The following CELF2 variants were observed in gnomAD, a reference collection of about 807,000 sequenced individuals.
The protein encoded by CELF2 is CUG triplet repeat RNA-binding protein 2.
CELF2 carries 8 observed loss-of-function variants against 62.6 expected under a neutral mutation model. The ratio of observed to expected loss-of-function variants is 0.13; its 90% CI spans 0.07 to 0.23. The LOEUF (loss-of-function observed/expected upper bound fraction) is 0.23, where lower values mean the gene tolerates loss of function less well. Among genes scored for constraint, CELF2 ranks in the 10% least tolerant of loss-of-function variants. The pLI, the probability that CELF2 is intolerant of heterozygous loss-of-function variation, is 1.00. For missense variants in CELF2, 333 were observed against 671.0 expected (o/e 0.50, Z 5.56); for synonymous variants, 258 against 250.0 (o/e 1.03, Z -0.30).
the CELF2 span, among the ~76,000 whole-genome samples, chr10:10,581,365 G>T: frequency 5.3e-5 from 8 of 152,148 alleles, 1 homozygote; most frequent in South Asian, 6.2e-4. Context: ...GATCCATTTT[G>T]CTTTCAAGAG....
upstream of CELF2, among the ~76,000 whole-genome samples, chr10:11,013,433 C>T (rs2056783750): frequency 6.6e-6 from 1 of 152,120 alleles, no homozygotes; most frequent in Non-Finnish European, 1.5e-5. This position sits in a 1 kb window ranked among gnomAD's most constrained non-coding sequence, Gnocchi z 4.1. Context: ...AGCTGCAGAC[C>T]ACGCTAGTGG....
chr10:10,736,396 C>CTTTCTTT, the CELF2 span, among the ~76,000 whole-genome samples: 9 of 76,014 alleles, frequency 1.2e-4, no homozygotes, highest in African/African-American at 4.0e-4. Flanking sequence ...TTCTTTCTTT[C>CTTTCTTT]TTTTTTTTTT....
the CELF2 span, among the ~76,000 whole-genome samples, chr10:10,718,884 A>G: frequency 1.4e-4 from 22 of 152,194 alleles, no homozygotes; most frequent in Non-Finnish European, 1.2e-4. Flanking sequence ...TTAAGCAGCA[A>G]AGATAAATAA....
At chr10:10,906,327 G>C (rs572009288) in intron 1 of CELF2, among the ~76,000 whole-genome samples, 1 of 152,258 alleles carries the variant, frequency 6.6e-6, no homozygotes, top group South Asian at 2.1e-4. Flanking sequence ...CTGAAAAAAA[G>C]CCATCTTTGC....
Position 11,159,054 on chromosome 10 carries a change from G to A in CELF2, c.75-6432G>A, listed in dbSNP as rs2065122824. ...TAGAGAAGGGCTTTGACTTTGTAAT[G>A]TTTAGGGTATTTGCTCTGGTCAATT... is the stretch of plus-strand genomic sequence containing the variant. On this transcript the variant is annotated intron_variant, in intron 1 of 12. Transcript: ENST00000633077. This position sits in a 1 kb window ranked among gnomAD's most constrained non-coding sequence, Gnocchi z 5.0. 6.6e-6 allele frequency among the ~76,000 whole-genome samples: 1 copy of A among 152,198 alleles called. No individual in the cohort carries two copies. Among genetic ancestry groups the A allele is most frequent in the Non-Finnish European group, 1.5e-5 (1 of 68,036 alleles).
chr10:11,072,212 T>C (rs1339966687), intron 1 of CELF2, among the ~76,000 whole-genome samples: 2 of 152,194 alleles, frequency 1.3e-5, no homozygotes, highest in Non-Finnish European at 2.9e-5. Context: ...TGGAAGACAC[T>C]AATTTGAGAG....
chr10:10,683,269 GT>G, the CELF2 span, among the ~76,000 whole-genome samples: 9 of 152,202 alleles, frequency 5.9e-5, no homozygotes, highest in African/African-American at 2.2e-4. Context: ...CTCCACTTAG[GT>G]TTTTAAATGT....
chr10:10,988,855 A>C (rs1276025456), intron 2 of CELF2, among the ~76,000 whole-genome samples: 2 of 152,174 alleles, frequency 1.3e-5, no homozygotes, highest in Non-Finnish European at 2.9e-5. Context: ...TGATCATAGC[A>C]ATAAATCATG....
At chr10:10,959,848 G>A (rs1429923963) in intron 2 of CELF2, among the ~76,000 whole-genome samples, 1 of 152,208 alleles carries the variant, frequency 6.6e-6, no homozygotes, top group Non-Finnish European at 1.5e-5. Context: ...GGATGAGAAA[G>A]CATGGGGTAG....
At chr10:10,725,472 G>A in the CELF2 span, among the ~76,000 whole-genome samples, 3 of 152,122 alleles carry the variant, frequency 2.0e-5, no homozygotes, top group South Asian at 2.1e-4. Flanking sequence ...GTATACTCAC[G>A]GCTGGTGGTC....
At chr10:10,920,858 G>A (rs2134692425) in intron 2 of CELF2, among the ~76,000 whole-genome samples, 1 of 151,870 alleles carries the variant, frequency 6.6e-6, no homozygotes, top group South Asian at 2.1e-4. Flanking sequence ...AGGGAGGGAG[G>A]AAGGGGCAAT....
Position 11,211,813 on chromosome 10 carries a change from A to AGT in CELF2, c.272-5571_272-5570dup, listed in dbSNP as rs869213973. On this transcript the variant is annotated intron_variant, in intron 2 of 12. Coordinates refer to ENST00000633077, the MANE Select transcript of CELF2 (RefSeq NM_001326342.2). This position sits in a 1 kb window ranked among gnomAD's most constrained non-coding sequence, Gnocchi z 4.8. ...GTGTGAGAGAGAGAGAGAGAGAGAG[A>AGT]GTGTGTGTGTGTGTGTGTGTGTGTG... 0.02 allele frequency among the ~76,000 whole-genome samples: 1,758 copies of AGT among 89,322 alleles called. 25 individuals are homozygous for AGT. Among genetic ancestry groups the AGT allele is most frequent in the South Asian group, 0.077 (226 of 2,948 alleles). The allele number at this position is 89,322 out of a possible 152,430, so 58.6% of individuals were successfully genotyped here.
At chr10:10,762,496 C>T in the CELF2 span, among the ~76,000 whole-genome samples, 18 of 152,118 alleles carry the variant, frequency 1.2e-4, no homozygotes, top group Admixed American at 7.2e-4. Flanking sequence ...AATAGAGACA[C>T]CCAGGGTCCT....
chr10:10,837,503 C>T (rs2058379465), intron 1 of CELF2, among the ~76,000 whole-genome samples: 1 of 152,176 alleles, frequency 6.6e-6, no homozygotes, highest in East Asian at 1.9e-4. Flanking sequence ...ATTTTTATTG[C>T]ACCTTCTATC....
At chr10:11,198,363 A>C (rs1012309398) in intron 2 of CELF2, among the ~76,000 whole-genome samples, 24 of 152,182 alleles carry the variant, frequency 1.6e-4, no homozygotes. Context: ...TGAAGGGAAA[A>C]CATGGGTTGT....
chr10:10,695,202 G>C, the CELF2 span, among the ~76,000 whole-genome samples: 3 of 146,886 alleles, frequency 2.0e-5, no homozygotes, highest in Non-Finnish European at 3.0e-5. Flanking sequence ...GGCAGGCCTG[G>C]TGGTGACAAA....
Position 10,979,084 on chromosome 10 carries a change from C to T in CELF2, c.89+59085C>T, listed in dbSNP as rs370513232. 4.3e-4 allele frequency among the ~76,000 whole-genome samples: 65 copies of T among 152,324 alleles called. 1 individual carries two copies. The highest frequency in any genetic ancestry group is 1.3e-3 in the African/African-American group (55 of 41,558). Reference sequence around the variant, plus strand: ...GAATTCCACCCCTGCCTCTCATTCTCTGCCCCCAGGTTTGGCCACCATTTT... The same window carrying T: ...GAATTCCACCCCTGCCTCTCATTCTTTGCCCCCAGGTTTGGCCACCATTTT... On this transcript the variant is annotated intron_variant, in intron 2 of 13. Coordinates refer to the CELF2 transcript ENST00000636488.
the CELF2 span, among the ~76,000 whole-genome samples, chr10:10,478,331 T>TA: frequency 6.6e-6 from 1 of 152,232 alleles, no homozygotes; most frequent in African/African-American, 2.4e-5. Flanking sequence ...TAGGTATTTT[T>TA]ATCATTAAGT....
chr10:10,482,843 T>C, the CELF2 span, among the ~76,000 whole-genome samples: 52,895 of 151,996 alleles, frequency 0.35, 9,942 homozygotes, highest in Admixed American at 0.43. Context: ...ATCGCTCCAG[T>C]GCCAGGTACT....
Sources: gnomAD v4.1 joint callset for allele counts (sites outside exome capture counted in the v4.1 genomes callset) on GRCh38, gnomAD v4.1.1 for gene constraint, Gnocchi (gnomAD v3.1) non-coding constraint, MANE v1.5 for transcripts, NCBI Gene and HGNC (gene_info 2026-07-23, HGNC 2026-07-21) for gene names.